Variants in DCTN6 observed in about 807,000 individuals in gnomAD.
DCTN6 encodes the protein dynactin subunit 6, also known as dynactin 6.
Under a neutral mutation model 25.8 loss-of-function variants are expected in DCTN6, and 15 were observed. The ratio of observed to expected loss-of-function variants is 0.58; its 90% CI spans 0.39 to 0.89. The LOEUF (loss-of-function observed/expected upper bound fraction) is 0.89. Among genes scored for constraint, DCTN6 ranks in the 40% least tolerant of loss-of-function variants. The probability of loss-of-function intolerance (pLI) is 0.00; values close to 1 mark genes in which losing one functional copy is unlikely to be tolerated. For synonymous variants in DCTN6, 64 were observed against 78.3 expected (o/e 0.82, Z 0.96); for missense variants, 198 against 237.6 (o/e 0.83, Z 1.09).
intron 6 of DCTN6, among the ~76,000 whole-genome samples, chr8:30,182,640 A>G (rs1585507638): frequency 6.6e-6 from 1 of 151,264 alleles, no homozygotes; most frequent in Non-Finnish European, 1.5e-5. Flanking sequence ...AAATGAGTCA[A>G]TGAAAAGCAC....
chr8:30,164,652 G>A (rs1267996499), intron 2 of DCTN6, among the ~76,000 whole-genome samples: 1 of 152,202 alleles, frequency 6.6e-6, no homozygotes, highest in Admixed American at 6.5e-5. Context: ...GTGTGTATCA[G>A]GATCAGGTTC....
At chr8:30,159,710 G>A (rs1803573661) in intron 1 of DCTN6, among the ~76,000 whole-genome samples, 1 of 151,602 alleles carries the variant, frequency 6.6e-6, no homozygotes, top group Non-Finnish European at 1.5e-5. Flanking sequence ...TTCCAGATCA[G>A]AAACCTAGAG....
chr8:30,157,545 T>C (rs994138940), intron 1 of DCTN6, among the ~76,000 whole-genome samples: 7 of 152,220 alleles, frequency 4.6e-5, no homozygotes, highest in African/African-American at 1.7e-4. Context: ...CATACTATTT[T>C]CAATAGATGA....
In DCTN6 at chr8:30,156,388, CGGA is replaced by C. The variant is rs1239599320; in HGVS notation, c.7_9del (p.Glu3del). 2 of 1,605,886 alleles carry C rather than the reference CGGA, an allele frequency of 1.2e-6. No homozygotes were observed. Among genetic ancestry groups the C allele is most frequent in the South Asian group, 1.1e-5 (1 of 89,380 alleles). ...CGTTCCAATTGGGGCCGTACCATGG[CGGA>C]GAAGACTCAAAAGAGGTGGGTTTGC... On this transcript the variant is annotated inframe_deletion, in exon 1 of 7. Transcript: ENST00000221114.
intron 1 of DCTN6, 21 bp downstream of exon 1, chr8:30,156,427 A>G (rs1326188621): frequency 5.6e-6 from 9 of 1,597,488 alleles, no homozygotes; most frequent in Non-Finnish European, 5.1e-6. Flanking sequence ...TGCTTGAGAA[A>G]AGCCTTTTCT....
At chr8:30,179,775 G>A (rs1458790118) in intron 5 of DCTN6, among the ~76,000 whole-genome samples, 1 of 152,002 alleles carries the variant, frequency 6.6e-6, no homozygotes, top group Non-Finnish European at 1.5e-5. Flanking sequence ...AGAATTAAAG[G>A]GGGGGAAAAA....
At chr8:30,175,034 G>C in intron 2 of DCTN6, 51 bp from the exon 3 acceptor site, 2 of 1,570,520 alleles carry the variant, frequency 1.3e-6, no homozygotes, top group Non-Finnish European at 1.7e-6. Context: ...CCACCCTTCT[G>C]TTGGAAGCAT....
At chr8:30,177,504 C>A in intron 4 of DCTN6, 1 of 191,790 alleles carries the variant, frequency 5.2e-6, no homozygotes, top group Non-Finnish European at 1.1e-5. Flanking sequence ...GCCAGGAGTT[C>A]AAGACCAGCC....
chr8:30,163,107 C>T (rs778215405), intron 1 of DCTN6, among the ~76,000 whole-genome samples: 5 of 151,918 alleles, frequency 3.3e-5, no homozygotes, highest in Non-Finnish European at 7.4e-5. Flanking sequence ...AGACCAGCCT[C>T]ACCAACCTGA....
At chr8:30,173,741 A>AAAAAAC (rs1554488838) in intron 2 of DCTN6, among the ~76,000 whole-genome samples, 38 of 146,188 alleles carry the variant, frequency 2.6e-4, no homozygotes, top group East Asian at 1.2e-3. Context: ...TAAAAAAAAA[A>AAAAAAC]AAAAAAAAAA....
At position 30,171,119 on chromosome 8, in the gene DCTN6, C is replaced by T. The variant is rs556301591; in HGVS notation, c.89-3966C>T. Among the ~76,000 whole-genome samples, 82 of 152,128 alleles carry T rather than the reference C, an allele frequency of 5.4e-4. 3 individuals are homozygous for T. The South Asian group carries it at 0.016, about 30-fold the overall frequency. On this transcript the variant is annotated intron_variant, in intron 2 of 6. Coordinates refer to ENST00000221114, the MANE Select transcript of DCTN6 (RefSeq NM_006571.4). Reference sequence around the variant, plus strand: ...TAAGTTTTAAAGAAACACACAGGTCCCAGGGGTATCCTTGTCTTGTCAAGA... The same window carrying T: ...TAAGTTTTAAAGAAACACACAGGTCTCAGGGGTATCCTTGTCTTGTCAAGA...
chr8:30,175,450 G>A (rs947857343), intron 3 of DCTN6, among the ~76,000 whole-genome samples: 9 of 152,066 alleles, frequency 5.9e-5, no homozygotes, highest in African/African-American at 2.2e-4. Context: ...CTTACATGTG[G>A]CTATCTCACC....
intron 1 of DCTN6, among the ~76,000 whole-genome samples, chr8:30,156,694 G>T (rs567391022): frequency 3.3e-5 from 5 of 152,178 alleles, no homozygotes; most frequent in Admixed American, 6.5e-5. Flanking sequence ...GGGCGGGGGG[G>T]GCTGTGAGGG....
Position 30,163,389 on chromosome 8 carries a change from T to C in DCTN6, c.24-722T>C, listed in dbSNP as rs184589312. The stretch of plus-strand genomic sequence containing the variant: ...CTCCTTCCTTGGCCTCCCAGAGTGC[T>C]GGGATTACAGGTGTGAGCCACTGTG... On this transcript the variant is annotated intron_variant, in intron 1 of 6. Coordinates refer to ENST00000221114, the MANE Select transcript of DCTN6 (RefSeq NM_006571.4). Among the ~76,000 whole-genome samples, 5 of 152,358 alleles carry C rather than the reference T, an allele frequency of 3.3e-5. No individual in the cohort carries two copies. In the East Asian group the frequency reaches 9.6e-4, roughly 29 times the overall value.
In DCTN6 at chr8:30,167,654, C is replaced by T. The variant is rs1400870897; in HGVS notation, c.88+3479C>T. 2.0e-5 allele frequency among the ~76,000 whole-genome samples: 3 copies of T among 152,118 alleles called. No individual in the cohort carries two copies. The East Asian group carries it at 5.8e-4, about 29-fold the overall frequency. On this transcript the variant is annotated intron_variant, in intron 2 of 6. Transcript: ENST00000221114. ...AGTTTTTGACCACTAGCTGGTAGTG[C>T]ACAATTCTGATGGTTAAAATGACAT...
intron 4 of DCTN6, among the ~76,000 whole-genome samples, chr8:30,178,470 T>TAAAAAAAA (rs201060800): frequency 1.3e-5 from 1 of 79,848 alleles, no homozygotes; most frequent in Non-Finnish European, 2.7e-5. Context: ...TCAAAAAGAT[T>TAAAAAAAA]AAAAAAAAAA....
intron 4 of DCTN6, 173 bp downstream of exon 4, chr8:30,177,387 A>G: frequency 2.0e-6 from 1 of 506,782 alleles, no homozygotes; most frequent in Non-Finnish European, 3.4e-6. Context: ...CATTCACAAT[A>G]TATATTATAA....
intron 2 of DCTN6, among the ~76,000 whole-genome samples, chr8:30,168,715 G>T (rs1803720745): frequency 6.6e-6 from 1 of 152,122 alleles, no homozygotes. Context: ...GCAGGTATTT[G>T]TTTTTTCAGA....
At chr8:30,180,653 A>T in intron 6 of DCTN6, 23 bp downstream of exon 6, 1 of 1,611,896 alleles carries the variant, frequency 6.2e-7, no homozygotes, top group Non-Finnish European at 8.5e-7. Context: ...CTCTTTAAAA[A>T]GAGTTCTATC....
Sources: gnomAD v4.1 joint callset for allele counts (sites outside exome capture counted in the v4.1 genomes callset) on GRCh38, gnomAD v4.1.1 for gene constraint, MANE v1.5 for transcripts, NCBI Gene and HGNC (gene_info 2026-07-23, HGNC 2026-07-21) for gene names.